EGF: variants seen among roughly 807,000 people sequenced by gnomAD.
EGF encodes the protein pro-epidermal growth factor.
EGF carries 95 observed loss-of-function variants against 143.8 expected under a neutral mutation model. The ratio of observed to expected loss-of-function variants is 0.66; its 90% confidence interval spans 0.56 to 0.78. EGF has a LOEUF of 0.78. EGF is among the 30% of genes least tolerant of loss of function. The pLI is 0.00. For synonymous variants in EGF, 510 were observed against 510.5 expected, an observed-to-expected ratio of 1.00 and a Z score of 0.01; for missense variants, 1,320 against 1,470.9, an observed-to-expected ratio of 0.90 and a Z score of 1.68.
Position 109,913,214 on chromosome 4 carries a change from GCC to G in EGF, c.-119_-118del. 1 of 1,218,122 alleles carries G rather than the reference GCC, an allele frequency of 8.2e-7. No homozygotes were observed. The highest frequency in any genetic ancestry group is 1.2e-5 in the South Asian group (1 of 81,382). 75.5% of individuals were successfully genotyped at this position (1,218,122 alleles called of 1,614,324 possible). A position where few individuals can be genotyped will look rare whatever the true frequency, so the allele number is the denominator to read the frequency against. ...ACAGCACAACAGGAGAGTAAAAGAT[GCC>G]CCAGGGCTGAGGCCTCCGCTCAGGC... On this transcript the variant is annotated 5_prime_UTR_variant, in exon 1 of 24. An upstream open reading frame in the 5' UTR loses its in-frame stop. Coordinates refer to ENST00000265171, the MANE Select transcript of EGF (RefSeq NM_001963.6).
rs761810613 is a variant in EGF at position 110,011,321 on chromosome 4, A to G, written c.3490A>G (p.Ser1164Gly). ...KGSCPQVMER[S>G]FHMPSYGTQT... Reference sequence around the variant, plus strand: ...CTCCTGTCCCCAGGTAATGGAGCGAAGCTTTCATATGCCCTCCTATGGGAC... The same window carrying G: ...CTCCTGTCCCCAGGTAATGGAGCGAGGCTTTCATATGCCCTCCTATGGGAC... The change falls in exon 24 of 24, where the codon AGC (serine) becomes GGC (glycine). Residue 1164 changes from serine to glycine, a missense_variant. Physicochemically the swap from Ser to Gly is moderately conservative, Grantham distance 56. Coordinates refer to ENST00000265171, the MANE Select transcript of EGF (RefSeq NM_001963.6). The G allele has an allele frequency of 6.2e-7, 1 of 1,614,154 alleles. No individual in the cohort carries two copies. Among genetic ancestry groups the G allele is most frequent in the South Asian group, 1.1e-5 (1 of 91,090 alleles).
intron 5 of EGF, among the ~76,000 whole-genome samples, chr4:109,958,030 A>T (rs1268846667): frequency 6.6e-6 from 1 of 152,244 alleles, no homozygotes; most frequent in Non-Finnish European, 1.5e-5. Context: ...AGAGATATGC[A>T]GTTGTCCCCC....
chr4:109,926,836 ATTAT>A (rs1738761543), intron 1 of EGF, among the ~76,000 whole-genome samples: 1 of 152,256 alleles, frequency 6.6e-6, no homozygotes, highest in South Asian at 2.1e-4. Context: ...GTGACCACTA[ATTAT>A]AAGAAATTTG....
At position 109,980,143 on chromosome 4, in the gene EGF, C is replaced by T. The variant is rs374744027; in HGVS notation, c.2221+4C>T. ...GTTCATCCATTGGCAAAACCAGGTA[C>T]ATACTGGAGATGTTACACAGTCTTT... is the stretch of plus-strand genomic sequence containing the variant. On this transcript the variant is annotated splice_donor_region_variant and intron_variant, in intron 14 of 23. Coordinates refer to ENST00000265171, the MANE Select transcript of EGF (RefSeq NM_001963.6). 67 of 1,600,042 alleles carry T rather than the reference C, an allele frequency of 4.2e-5. No individual in the cohort carries two copies. The highest frequency in any genetic ancestry group is 1.9e-4 in the South Asian group (17 of 88,372).
At chr4:109,966,444 T>C (rs1746610481) in intron 10 of EGF, among the ~76,000 whole-genome samples, 1 of 152,164 alleles carries the variant, frequency 6.6e-6, no homozygotes, top group African/African-American at 2.4e-5. Context: ...CACTCATCCA[T>C]TGATGGACAC....
intron 5 of EGF, among the ~76,000 whole-genome samples, chr4:109,949,713 T>C (rs879872151): frequency 5.9e-5 from 9 of 151,998 alleles, no homozygotes; most frequent in Non-Finnish European, 1.3e-4. Context: ...AGAGTTAAAC[T>C]ACAGAGATAA....
rs1325660576 is a variant in EGF, at chr4:109,975,948, G to A, written c.1830-64G>A. 4 of 1,527,140 alleles carry A rather than the reference G, an allele frequency of 2.6e-6. No homozygotes were observed. In the East Asian group the frequency reaches 9.0e-5, roughly 34 times the overall value. 94.6% of individuals were successfully genotyped at this position (1,527,140 alleles called of 1,614,324 possible). A position where few individuals can be genotyped will look rare whatever the true frequency, so the allele number is the denominator to read the frequency against. ...GGTAATTTACATTGATATTTTCAAT[G>A]ATGAAAGAACAGAATAATTTATTTC... On this transcript the variant is annotated intron_variant, in intron 12 of 23. Coordinates refer to ENST00000265171, the MANE Select transcript of EGF (RefSeq NM_001963.6).
chr4:109,966,283 A>G (rs949996055), intron 10 of EGF, among the ~76,000 whole-genome samples: 2 of 152,052 alleles, frequency 1.3e-5, no homozygotes, highest in African/African-American at 4.8e-5. Flanking sequence ...GCTCTCACAT[A>G]TAGGTGAGAA....
At chr4:109,935,005 A>G (rs1740501266) in intron 1 of EGF, among the ~76,000 whole-genome samples, 1 of 152,128 alleles carries the variant, frequency 6.6e-6, no homozygotes, top group Non-Finnish European at 1.5e-5. Flanking sequence ...TGATGCCTCC[A>G]GCTTTGTTCT....
intron 18 of EGF, among the ~76,000 whole-genome samples, chr4:109,990,751 T>C (rs2298999): frequency 0.55 from 83,511 of 152,012 alleles, 25,564 homozygotes; most frequent in African/African-American, 0.81. Flanking sequence ...TGTGTTCTCA[T>C]ATGGCCTTCC....
At chr4:109,954,767 G>C (rs888594945) in intron 5 of EGF, among the ~76,000 whole-genome samples, 3 of 152,088 alleles carry the variant, frequency 2.0e-5, no homozygotes, top group Non-Finnish European at 4.4e-5. Context: ...TTACGTATCT[G>C]GTAAAAAGAG....
chr4:109,921,459 A>G (rs991401382), intron 1 of EGF, among the ~76,000 whole-genome samples: 1 of 151,456 alleles, frequency 6.6e-6, no homozygotes, highest in Non-Finnish European at 1.5e-5. Flanking sequence ...CAGGACATTC[A>G]GTACACTGGA....
chr4:110,006,020 A>AT (rs935106165), intron 22 of EGF, among the ~76,000 whole-genome samples: 1 of 149,960 alleles, frequency 6.7e-6, no homozygotes, highest in Non-Finnish European at 1.5e-5. Context: ...TTATTTATTT[A>AT]TTTTTTGGTT....
chr4:109,991,206 T>C (rs996578068), intron 18 of EGF, among the ~76,000 whole-genome samples: 3 of 137,260 alleles, frequency 2.2e-5, no homozygotes, highest in Admixed American at 2.1e-4. Context: ...ATATCCAAAA[T>C]ATTAACATTT....
intron 1 of EGF, among the ~76,000 whole-genome samples, chr4:109,914,490 A>T (rs559184178): frequency 6.0e-4 from 92 of 152,314 alleles, no homozygotes; most frequent in African/African-American, 2.1e-3. Flanking sequence ...TCTCCCATTA[A>T]GGAAGTTCCC....
At chr4:109,977,534 A>G (rs1205481724) in intron 13 of EGF, 1 of 151,108 alleles carries the variant, frequency 6.6e-6, no homozygotes, top group South Asian at 2.1e-4. Context: ...CACATACATT[A>G]CTAAAAAAAA....
chr4:109,943,480 A>G (rs1449244040), intron 3 of EGF, 45 bp downstream of exon 3: 1 of 1,579,448 alleles, frequency 6.3e-7, no homozygotes, highest in East Asian at 2.2e-5. Flanking sequence ...TTACAAATCT[A>G]GTGAAGATTG....
Position 109,938,778 on chromosome 4 carries a change from AG to A in EGF, c.128-2167del, listed in dbSNP as rs1741368426. On this transcript the variant is annotated intron_variant, in intron 1 of 23. Transcript: ENST00000265171. ...TTTCCTTCTAACAGACAGGCCACTC[AG>A]CTGCAGATCTGTTGGAGTTTGCTGG... Among the ~76,000 whole-genome samples, 3 of 152,306 alleles carry A rather than the reference AG, an allele frequency of 2.0e-5. 1 individual carries two copies. The highest frequency in any genetic ancestry group is 4.1e-4 in the South Asian group (2 of 4,824).
chr4:109,927,437 T>A (rs186913146), intron 1 of EGF, among the ~76,000 whole-genome samples: 1 of 152,044 alleles, frequency 6.6e-6, no homozygotes, highest in Non-Finnish European at 1.5e-5. Context: ...ACCAAAGACA[T>A]GTCCAGGCCG....
Sources: allele counts gnomAD v4.1 joint callset (sites outside exome capture counted in the v4.1 genomes callset), GRCh38; gene constraint gnomAD v4.1.1; transcripts MANE v1.5; gene names NCBI Gene and HGNC (gene_info 2026-07-23, HGNC 2026-07-21).